Variants in PIF1 observed in about 807,000 individuals in gnomAD.
PIF1 encodes the protein ATP-dependent DNA helicase PIF1.
PIF1 carries 67 observed loss-of-function variants against 62.3 expected under a neutral mutation model. The ratio of observed to expected loss-of-function variants is 1.08; its 90% confidence interval spans 0.88 to 1.32. The LOEUF (loss-of-function observed/expected upper bound fraction) is 1.32. Among genes scored for constraint, PIF1 ranks in the 40% most tolerant of loss-of-function variants. PIF1 has a pLI of 0.00. For synonymous variants in PIF1, 364 were observed against 379.5 expected (o/e 0.96, Z 0.47); for missense variants, 886 against 866.1 (o/e 1.02, Z -0.29).
At position 64,821,155 on chromosome 15, in the gene PIF1, GGTGA is replaced by G. The variant is rs761276831; in HGVS notation, c.1086+8_1086+11del. 1.1e-4 allele frequency: 181 copies of G among 1,613,972 alleles called. No homozygotes were observed. The African/African-American group carries it at 2.0e-3, about 18-fold the overall frequency. On this transcript the variant is annotated splice_region_variant and intron_variant, in intron 6 of 12. Coordinates refer to ENST00000559239, the MANE Select transcript of PIF1 (RefSeq NM_001286496.2). ...ACCCCCAAGGAGAGCAGAGCTAGGA[GGTGA>G]GTAATACCTGGAAGCAGAACCGTGG...
chr15:64,821,387 G>A lies in PIF1; in HGVS notation c.951C>T (p.Asp317=). ...CTGACCTGGCCACGGCCTCCAGTTT[G>A]TCAAACAGGTCTGCCTCCACCATTG... The part of the protein sequence containing the change: ...EISMVEADLF[D]KLEAVARAVR... Residue 317 remains aspartate, a synonymous_variant, in exon 5 of 13, where the codon GAC becomes GAT. Coordinates refer to ENST00000559239, the MANE Select transcript of PIF1 (RefSeq NM_001286496.2). The A allele has an allele frequency of 6.2e-7, 1 of 1,614,114 alleles. No individual in the cohort carries two copies. Among genetic ancestry groups the A allele is most frequent in the East Asian group, 2.2e-5 (1 of 44,880 alleles).
At chr15:64,824,867 A>G (rs1469299217) in intron 1 of PIF1, among the ~76,000 whole-genome samples, 2 of 137,372 alleles carry the variant, frequency 1.5e-5, no homozygotes, top group East Asian at 2.1e-4. Flanking sequence ...CATTATATAT[A>G]TGTGTGTGTG....
intron 2 of PIF1, chr15:64,823,489 T>C: frequency 3.8e-6 from 1 of 264,452 alleles, no homozygotes. Context: ...CCTCAGGTGA[T>C]CCACTTTAGC....
rs1244959546 is a variant in PIF1 at position 64,821,018 on chromosome 15, G to T, written c.1157C>A (p.Thr386Asn). Residue 386 changes from threonine to asparagine, a missense_variant, in exon 7 of 13, where the codon ACC becomes AAC. Coordinates refer to ENST00000559239, the MANE Select transcript of PIF1 (RefSeq NM_001286496.2). ...LTKVWRQADQ[T>N]FISLLQAVRL... Reference sequence around the variant, plus strand: ...CACGGCCTGCAGTAGAGAGATGAAGGTCTGGTCTGCCTGCCTCCACACCTT... The same window carrying T: ...CACGGCCTGCAGTAGAGAGATGAAGTTCTGGTCTGCCTGCCTCCACACCTT... 5.0e-6 allele frequency: 8 copies of T among 1,614,002 alleles called. No homozygotes were observed. The highest frequency in any genetic ancestry group is 6.8e-6 in the Non-Finnish European group (8 of 1,180,038).
upstream of PIF1, among the ~76,000 whole-genome samples, chr15:64,826,739 TACAC>T (rs200930759): frequency 3.6e-4 from 50 of 137,624 alleles, no homozygotes; most frequent in African/African-American, 1.2e-3. Context: ...TATATATATA[TACAC>T]ACACATATAT....
At chr15:64,816,535 C>A in intron 12 of PIF1, 39 bp downstream of exon 12, 1 of 1,606,600 alleles carries the variant, frequency 6.2e-7, no homozygotes, top group Non-Finnish European at 8.5e-7. Flanking sequence ...TCCCACCCTG[C>A]CCGTGGCCAC....
chr15:64,819,741 C>A, intron 8 of PIF1, 106 bp downstream of exon 8: 1 of 1,489,912 alleles, frequency 6.7e-7, no homozygotes, highest in Middle Eastern at 2.0e-4. Context: ...GCCTTTATGG[C>A]TTCAGAGGTT....
Position 64,823,997 on chromosome 15 carries a change from C to T in PIF1, c.339G>A (p.Leu113=). ...GGCGCAATGTGCGCAGGAAGCGGCG[C>T]AGGCGGTCTGGGGGGCAGTCCGAGA... ...LLLSDCPPDR[L]RRFLRTLRLK... is the part of the protein sequence containing the mutation. The change falls in exon 2 of 13, where the codon CTG becomes CTA. Residue 113 remains leucine, a synonymous_variant. Coordinates refer to ENST00000559239, the MANE Select transcript of PIF1 (RefSeq NM_001286496.2). The T allele has an allele frequency of 7.7e-7, 1 of 1,299,386 alleles. No individual in the cohort carries two copies. The highest frequency in any genetic ancestry group is 9.8e-7 in the Non-Finnish European group (1 of 1,024,118). 80.5% of individuals were successfully genotyped at this position (1,299,386 alleles called of 1,614,324 possible).
chr15:64,822,692 G>A, intron 2 of PIF1, 82 bp from the exon 3 acceptor site: 1 of 1,578,326 alleles, frequency 6.3e-7, no homozygotes, highest in Non-Finnish European at 8.6e-7. Flanking sequence ...GTGCAATGCT[G>A]GGCCTGGTAA....
At position 64,819,923 on chromosome 15, in the gene PIF1, C is replaced by A; in HGVS notation, c.1257G>T (p.Gly419=). The change falls in exon 8 of 13, where the codon GGG becomes GGT. Residue 419 remains glycine, a synonymous_variant. Transcript: ENST00000559239. ...GGGTGCAGAGCCTCGTGGCCACAAT[C>A]CCATCTCGCCCCACCTTGTGGGAAG... ...ATASHKVGRD[G]IVATRLCTHQ... The A allele has an allele frequency of 6.2e-7, 1 of 1,614,054 alleles. No individual in the cohort carries two copies. The highest frequency in any genetic ancestry group is 8.5e-7 in the Non-Finnish European group (1 of 1,180,038).
chr15:64,818,881 A>C (rs2084236675), intron 9 of PIF1: 6 of 431,058 alleles, frequency 1.4e-5, no homozygotes, highest in Non-Finnish European at 2.4e-5. Context: ...AGCTTCAGCA[A>C]GGGAAAGAAA....
Position 64,824,354 on chromosome 15 carries a change from T to A in PIF1, c.-19A>T. The A allele has an allele frequency of 8.0e-7, 1 of 1,244,908 alleles. No individual in the cohort carries two copies. The highest frequency in any genetic ancestry group is 1.0e-6 in the Non-Finnish European group (1 of 994,172). 77.1% of individuals were successfully genotyped at this position (1,244,908 alleles called of 1,614,324 possible). The stretch of plus-strand genomic sequence containing the variant: ...AGAGCATCGTCACCGCCTCTGCTGG[T>A]CTGCGAAGACACCGGAGCACAGGGG... On this transcript the variant is annotated splice_region_variant and 5_prime_UTR_variant, in exon 2 of 13. Coordinates refer to ENST00000559239, the MANE Select transcript of PIF1 (RefSeq NM_001286496.2).
chr15:64,823,584 T>C (rs1371967990), intron 2 of PIF1, 194 bp downstream of exon 2: 1 of 412,470 alleles, frequency 2.4e-6, no homozygotes, highest in Non-Finnish European at 4.2e-6. Context: ...CCATTTCCTG[T>C]TTTGATTTAC....
At chr15:64,816,868 G>A (rs979998156) in intron 11 of PIF1, 103 bp from the exon 12 acceptor site, 17 of 1,096,678 alleles carry the variant, frequency 1.6e-5, no homozygotes, top group African/African-American at 1.4e-4. Context: ...GGATCTCCTC[G>A]TCCAGTCCAG....
chr15:64,818,132 AG>A (rs2084221121), intron 10 of PIF1, 41 bp from the exon 11 acceptor site: 2 of 1,611,924 alleles, frequency 1.2e-6, no homozygotes, highest in South Asian at 1.1e-5. Context: ...GCTCTGCTTC[AG>A]GGCTCTGAGG....
intron 4 of PIF1, 42 bp from the exon 5 acceptor site, chr15:64,821,562 T>C (rs1567086566): frequency 6.6e-6 from 7 of 1,056,792 alleles, no homozygotes; most frequent in Middle Eastern, 3.2e-4. Context: ...ACCCAAAGCC[T>C]CTCTTTTTTT....
Position 64,821,250 on chromosome 15 carries a change from C to T in PIF1, c.1003G>A (p.Gly335Arg). 6.2e-7 allele frequency: 1 copy of T among 1,614,230 alleles called. No homozygotes were observed. Among genetic ancestry groups the T allele is most frequent in the Non-Finnish European group, 8.5e-7 (1 of 1,180,044 alleles). The change falls in exon 6 of 13, where the codon GGG becomes AGG. Residue 335 changes from glycine (G) to arginine (R), a missense_variant. By Grantham distance (125) the Gly-to-Arg change is moderately radical. Coordinates refer to ENST00000559239, the MANE Select transcript of PIF1 (RefSeq NM_001286496.2). ...AVRQQNKPFG[G>R]IQLIICGDFL... ...TCCCCACAGATGATGAGCTGGATCCCTCCGAATGGCTTGTTCTGCTGCCGG... is the reference window on the plus strand; with the variant it reads ...TCCCCACAGATGATGAGCTGGATCCTTCCGAATGGCTTGTTCTGCTGCCGG...
chr15:64,818,249 A>G lies in PIF1; in HGVS notation c.1528+8T>C, dbSNP rs571908925. 6.2e-7 allele frequency: 1 copy of G among 1,614,066 alleles called. No homozygotes were observed. Among genetic ancestry groups the G allele is most frequent in the Admixed American group, 1.7e-5 (1 of 60,004 alleles). ...GTAGCAGGACTGCCACCTCCTCCCAACACTTACCTCTCCCTTCTGCCTCGA... is the reference window on the plus strand; with the variant it reads ...GTAGCAGGACTGCCACCTCCTCCCAGCACTTACCTCTCCCTTCTGCCTCGA... On this transcript the variant is annotated splice_region_variant and intron_variant, in intron 10 of 12. Coordinates refer to ENST00000559239, the MANE Select transcript of PIF1 (RefSeq NM_001286496.2).
Position 64,822,591 on chromosome 15 carries a change from A to G in PIF1, c.578T>C (p.Leu193Pro), listed in dbSNP as rs2084307239. The stretch of plus-strand genomic sequence containing the variant: ...GGGCAAGCTCAGCCTCTTCACAGGC[A>G]GGGGCCACCTTGGGGCTTCCTGGGG... ...EPSTEAPRWP[L>P]PVKRLSLPST... Residue 193 changes from leucine to proline, a missense_variant, in exon 3 of 13, where the codon CTG becomes CCG. By Grantham distance (98) the Leu-to-Pro change is moderately conservative. Transcript: ENST00000559239. 1.2e-6 allele frequency: 2 copies of G among 1,614,038 alleles called. No individual in the cohort carries two copies. Among genetic ancestry groups the G allele is most frequent in the Non-Finnish European group, 8.5e-7 (1 of 1,180,030 alleles).
Sources: gnomAD v4.1 joint callset for allele counts (sites outside exome capture counted in the v4.1 genomes callset) on GRCh38, gnomAD v4.1.1 for gene constraint, MANE v1.5 for transcripts, NCBI Gene and HGNC (gene_info 2026-07-23, HGNC 2026-07-21) for gene names.